FLII: variants seen among roughly 807,000 people sequenced by gnomAD.
FLII encodes the protein FLII actin remodeling protein, also known as protein flightless-1 homolog.
In FLII, 101 loss-of-function variants were observed where a neutral mutation model predicts 156.2. That is an observed-to-expected ratio of 0.65 (90% CI 0.55 to 0.76). FLII has a LOEUF of 0.76. Ranked by LOEUF, FLII falls within the 30% of genes least tolerant of loss-of-function variation. The pLI, the probability that FLII is intolerant of heterozygous loss-of-function variation, is 0.00. For synonymous variants in FLII, 767 were observed against 685.8 expected, an observed-to-expected ratio of 1.12 and a Z score of -1.85; for missense variants, 1,675 against 1,682.8, an observed-to-expected ratio of 1.00 and a Z score of 0.08.
chr17:18,256,370 CTAA>C (rs1387365394), intron 3 of FLII, among the ~76,000 whole-genome samples, 153 bp downstream of exon 3: 1 of 152,238 alleles, frequency 6.6e-6, no homozygotes, highest in African/African-American at 2.4e-5. Context: ...GCTGTAACCT[CTAA>C]TGAGAGGGCC....
chr17:18,251,158 C>CCA (rs1237664049), intron 13 of FLII, 107 bp downstream of exon 13: 1 of 1,424,120 alleles, frequency 7.0e-7, no homozygotes, highest in African/African-American at 1.4e-5. Flanking sequence ...TGCAGCCTGC[C>CCA]CACCTCCCAC....
chr17:18,247,071 C>CG lies in FLII; in HGVS notation c.2677-20dup, dbSNP rs1468195378. The CG allele has an allele frequency of 1.9e-6, 3 of 1,610,076 alleles. No individual in the cohort carries two copies. The highest frequency in any genetic ancestry group is 4.5e-5 in the East Asian group (2 of 44,832). ...GCTCCGCCTGCAGGTGAGAGGGACCCGCCCCGCGGCAGGTCTGAGCGCGCT... is the reference window on the plus strand; with the variant it reads ...GCTCCGCCTGCAGGTGAGAGGGACCCGGCCCCGCGGCAGGTCTGAGCGCGCT... On this transcript the variant is annotated intron_variant, in intron 21 of 29. Coordinates refer to ENST00000327031, the MANE Select transcript of FLII (RefSeq NM_002018.4).
chr17:18,245,000 G>A lies in FLII; in HGVS notation c.*138C>T, dbSNP rs2047975815. On this transcript the variant is annotated 3_prime_UTR_variant, in exon 30 of 30. Transcript: ENST00000327031. ...ACCTGTCAGGGTCATCCCCATTGGT[G>A]CTGCTTGAGGCTACTGGGGACTGTG... 7 of 936,456 alleles carry A rather than the reference G, an allele frequency of 7.5e-6. No homozygotes were observed. The highest frequency in any genetic ancestry group is 1.1e-5 in the Non-Finnish European group (7 of 616,748). The allele number at this position is 936,456 out of a possible 1,614,324, so 58.0% of individuals were successfully genotyped here.
At position 18,254,130 on chromosome 17, in the gene FLII, G is replaced by A. The variant is rs774851650; in HGVS notation, c.628C>T (p.Arg210Cys). The change falls in exon 7 of 30, where the codon CGC becomes TGC. Residue 210 changes from arginine to cysteine, a missense_variant. Arg to Cys is a radical substitution (Grantham distance 180). This residue lies in a region of FLII where 343 missense variants were observed against 413.5 expected (regional missense o/e 0.83). Coordinates refer to ENST00000327031, the MANE Select transcript of FLII (RefSeq NM_002018.4). ...LQTLHLRSTQRTQSNLPTSLE... is the reference protein window; with the variant it reads ...LQTLHLRSTQCTQSNLPTSLE... ...CTGGTGGGCAGGTTGCTCTGGGTGC[G>A]CTGGGTGCTCCGCAGGTGCAGGGTC... The A allele has an allele frequency of 1.3e-5, 21 of 1,611,512 alleles. No homozygotes were observed. Among genetic ancestry groups the A allele is most frequent in the South Asian group, 2.2e-5 (2 of 90,894 alleles).
rs1336654852 is a variant in FLII at position 18,251,472 on chromosome 17, G to A, written c.1389C>T (p.Ser463=). ...TCCCGCTGGGGGCCCGGGCATCTGC[G>A]CTCTCCTGGGGGCAGAGTCACAGAG... ...AQEKNKKQEE[S]ADARAPSGKV... The change falls in exon 13 of 30, where the codon AGC becomes AGT. Residue 463 remains serine, a synonymous_variant. Transcript: ENST00000327031. 9 of 1,603,942 alleles carry A rather than the reference G, an allele frequency of 5.6e-6. No homozygotes were observed. The highest frequency in any genetic ancestry group is 4.5e-5 in the East Asian group (2 of 44,732).
chr17:18,252,159 G>T lies in FLII; in HGVS notation c.1099-13C>A. ...GCACATCCAGGACCTGCCCCATAGG[G>T]TGAGCAGAGCCGGCACTGAGCCTGG... On this transcript the variant is annotated splice_polypyrimidine_tract_variant and intron_variant, in intron 10 of 29. Coordinates refer to ENST00000327031, the MANE Select transcript of FLII (RefSeq NM_002018.4). 1 of 1,611,496 alleles carries T rather than the reference G, an allele frequency of 6.2e-7. No individual in the cohort carries two copies. Among genetic ancestry groups the T allele is most frequent in the Non-Finnish European group, 8.5e-7 (1 of 1,178,618 alleles).
chr17:18,257,074 G>C (rs1423226266), intron 1 of FLII, 55 bp from the exon 2 acceptor site: 10 of 1,204,136 alleles, frequency 8.3e-6, no homozygotes, highest in Non-Finnish European at 1.1e-5. Flanking sequence ...ACCTTCTATG[G>C]CTCCTCCAGC....
Position 18,246,591 on chromosome 17 carries a change from C to T in FLII, c.3051+3G>A, listed in dbSNP as rs1219740793. The T allele has an allele frequency of 1.2e-6, 2 of 1,613,730 alleles. No individual in the cohort carries two copies. Among genetic ancestry groups the T allele is most frequent in the African/African-American group, 2.7e-5 (2 of 74,918 alleles). ...CTCGGGCTCGCGGGGCTGCCAGGCA[C>T]ACCTCCAGCTTCCCAGGGAAGAGGC... On this transcript the variant is annotated splice_donor_region_variant and intron_variant, in intron 23 of 29. Transcript: ENST00000327031.
At position 18,250,905 on chromosome 17, in the gene FLII, T is replaced by G; in HGVS notation, c.1709A>C (p.Asn570Thr). The G allele has an allele frequency of 6.2e-7, 1 of 1,614,020 alleles. No individual in the cohort carries two copies. The highest frequency in any genetic ancestry group is 8.5e-7 in the Non-Finnish European group (1 of 1,179,998). The change falls in exon 14 of 30, where the codon AAC becomes ACC. Residue 570 changes from asparagine to threonine, a missense_variant. Around this residue, in one of 2 missense-constraint regions of FLII, gnomAD observed 1,332 missense variants for 1,269.3 expected, o/e 1.05. Transcript: ENST00000327031. ...AGTGCGGCACTCAGCACCCAGGTAG[T>G]TGCGCAAGTTGACAGCGTGGATGGC... ...CSAIHAVNLR[N>T]YLGAECRTVR...
At chr17:18,256,393 C>T in intron 3 of FLII, 133 bp downstream of exon 3, 1 of 687,832 alleles carries the variant, frequency 1.5e-6, no homozygotes, top group Non-Finnish European at 2.5e-6. Flanking sequence ...CCCTCTGTGA[C>T]ACCTGAGCCT....
intron 27 of FLII, 21 bp downstream of exon 27, chr17:18,245,723 G>A: frequency 6.2e-7 from 1 of 1,610,524 alleles, no homozygotes. Flanking sequence ...ACTGAGGGGA[G>A]GGTCAGGGCC....
chr17:18,253,661 G>A lies in FLII; in HGVS notation c.738C>T (p.Pro246=), dbSNP rs763325316. 4 of 1,613,872 alleles carry A rather than the reference G, an allele frequency of 2.5e-6. No individual in the cohort carries two copies. The highest frequency in any genetic ancestry group is 1.7e-5 in the Admixed American group (1 of 60,018). ...TRVPECLYTL[P]SLRRLNLSSN... ...TGCTGAGGTTGAGGCGGCGCAGGCT[G>A]GGGAGGGTGTACAGACACTCGGGCA... Residue 246 remains proline (P), a synonymous_variant, in exon 8 of 30, where the codon CCC becomes CCT. Transcript: ENST00000327031.
intron 3 of FLII, among the ~76,000 whole-genome samples, chr17:18,255,633 G>A (rs967903814): frequency 6.6e-6 from 1 of 152,146 alleles, no homozygotes; most frequent in Non-Finnish European, 1.5e-5. Flanking sequence ...GAATCTGGAT[G>A]GAGAGGAAGT....
At chr17:18,250,451 T>G (rs138367045) in intron 14 of FLII, among the ~76,000 whole-genome samples, 8 of 152,278 alleles carry the variant, frequency 5.3e-5, no homozygotes, top group South Asian at 2.1e-4. Flanking sequence ...CCCACCTCCT[T>G]GGCATCCAGG....
rs943621979 is a variant in FLII, at chr17:18,258,236, C to T, written c.63+392G>A. 6.6e-6 allele frequency among the ~76,000 whole-genome samples: 1 copy of T among 152,236 alleles called. No homozygotes were observed. The highest frequency in any genetic ancestry group is 2.4e-5 in the African/African-American group (1 of 41,470). On this transcript the variant is annotated intron_variant, in intron 1 of 29. Transcript: ENST00000327031. The surrounding 1 kb of genome is among the most constrained non-coding windows in gnomAD (Gnocchi z 4.2). Reference sequence around the variant, plus strand: ...GGCAGTGATGAGTCGGCTCCACACCCGCCCCTGGGCAGCCGGGCAGCCATC... The same window carrying T: ...GGCAGTGATGAGTCGGCTCCACACCTGCCCCTGGGCAGCCGGGCAGCCATC...
chr17:18,251,608 G>C, intron 12 of FLII, 72 bp downstream of exon 12: 1 of 1,602,982 alleles, frequency 6.2e-7, no homozygotes, highest in Non-Finnish European at 8.5e-7. Context: ...CTCTTGGCCA[G>C]GGTCAAGGCC....
chr17:18,253,724 G>A lies in FLII; in HGVS notation c.680-5C>T. ...CATTGCAGGACAGATCCACGTCTGG[G>A]GTGCAGGGTGGGGTGCATCAGCTGG... On this transcript the variant is annotated splice_region_variant and splice_polypyrimidine_tract_variant and intron_variant, in intron 7 of 29. Transcript: ENST00000327031. The A allele has an allele frequency of 6.3e-7, 1 of 1,599,344 alleles. No individual in the cohort carries two copies. Among genetic ancestry groups the A allele is most frequent in the Non-Finnish European group, 8.5e-7 (1 of 1,171,738 alleles).
intron 13 of FLII, 98 bp from the exon 14 acceptor site, chr17:18,251,115 G>C (rs1384262810): frequency 8.4e-6 from 12 of 1,436,720 alleles, no homozygotes; most frequent in Non-Finnish European, 1.1e-5. Flanking sequence ...AGCCCCAGGG[G>C]CTTTGTACTG....
Position 18,258,450 on chromosome 17 carries a change from C to CA in FLII, c.63+177dup, listed in dbSNP as rs1184037611. The CA allele has an allele frequency of 6.6e-7, 1 of 1,505,850 alleles. No individual in the cohort carries two copies. The highest frequency in any genetic ancestry group is 8.8e-7 in the Non-Finnish European group (1 of 1,131,806). The allele number at this position is 1,505,850 out of a possible 1,614,324, so 93.3% of individuals were successfully genotyped here. A position where few individuals can be genotyped will look rare whatever the true frequency, so the allele number is the denominator to read the frequency against. On this transcript the variant is annotated intron_variant, in intron 1 of 29. Coordinates refer to ENST00000327031, the MANE Select transcript of FLII (RefSeq NM_002018.4). The surrounding 1 kb of genome is among the most constrained non-coding windows in gnomAD (Gnocchi z 4.2). ...CCCAGCCTCGGTCTCCCCGTACAGG[C>CA]ACTGGGCGGAGGCCTCGGAGGTCCA...
Sources: allele counts gnomAD v4.1 joint callset (sites outside exome capture counted in the v4.1 genomes callset), GRCh38; gene constraint gnomAD v4.1.1; regional missense constraint gnomAD v4.1.1; non-coding constraint Gnocchi (gnomAD v3.1); transcripts MANE v1.5; gene names NCBI Gene and HGNC (gene_info 2026-07-23, HGNC 2026-07-21).